The following NAA60 variants were observed in gnomAD, a reference collection of about 807,000 sequenced individuals.
The protein encoded by NAA60 is N-alpha-acetyltransferase 60, NatF catalytic subunit, also known as N-alpha-acetyltransferase 60.
A neutral mutation model predicts 26.1 loss-of-function variants in NAA60; 8 were observed. The observed-to-expected ratio is 0.31, with a 90% CI of 0.18 to 0.55. NAA60 has a LOEUF of 0.55. Among genes scored for constraint, NAA60 ranks in the 20% least tolerant of loss-of-function variants. The pLI is 0.93. For synonymous variants in NAA60, 131 were observed against 122.5 expected, an observed-to-expected ratio of 1.07 and a Z score of -0.46; for missense variants, 290 against 311.3, an observed-to-expected ratio of 0.93 and a Z score of 0.51.
intron 2 of NAA60, chr16:3,448,776 A>G (rs2034654939): frequency 1.4e-5 from 6 of 416,958 alleles, no homozygotes; most frequent in Non-Finnish European, 2.2e-5. Flanking sequence ...CAGCCTCTTT[A>G]AACTATAAAG....
rs775289767 is a variant in NAA60 at position 3,485,949 on chromosome 16, T to A, written c.*689T>A. On this transcript the variant is annotated 3_prime_UTR_variant, in exon 8 of 8. Transcript: ENST00000407558. Reference sequence around the variant, plus strand: ...TCAGCACCTTCCGTGCAGTTACCAGTGCCCTGGGAGGTCACACTGCCCGTC... The same window carrying A: ...TCAGCACCTTCCGTGCAGTTACCAGAGCCCTGGGAGGTCACACTGCCCGTC... The A allele has an allele frequency of 9.8e-6, 3 of 306,954 alleles. No homozygotes were observed. The highest frequency in any genetic ancestry group is 1.9e-5 in the Non-Finnish European group (3 of 155,226). The allele number at this position is 306,954 out of a possible 1,614,324, so 19.0% of individuals were successfully genotyped here. A position where few individuals can be genotyped will look rare whatever the true frequency, so the allele number is the denominator to read the frequency against.
intron 2 of NAA60, 109 bp downstream of exon 2, chr16:3,448,649 A>G (rs2034650140): frequency 1.1e-6 from 1 of 897,860 alleles, no homozygotes. Context: ...TATTCTCTTA[A>G]TTTTTAGTAC....
At chr16:3,456,105 C>A (rs1187611537) in intron 2 of NAA60, among the ~76,000 whole-genome samples, 1 of 152,196 alleles carries the variant, frequency 6.6e-6, no homozygotes, top group Admixed American at 6.5e-5. Flanking sequence ...CGGGCACGGT[C>A]TCAAAACAAA....
At chr16:3,461,059 A>G (rs540642912) in intron 2 of NAA60, among the ~76,000 whole-genome samples, 3 of 145,004 alleles carry the variant, frequency 2.1e-5, no homozygotes, top group East Asian at 2.0e-4. Flanking sequence ...TGAGTTTGCC[A>G]GGCTCTATAT....
In NAA60 at chr16:3,482,582, C is replaced by T; in HGVS notation, c.321C>T (p.Phe107=). 1 of 1,606,286 alleles carries T rather than the reference C, an allele frequency of 6.2e-7. No homozygotes were observed. The highest frequency in any genetic ancestry group is 8.5e-7 in the Non-Finnish European group (1 of 1,176,488). ...YILSLGVVKE[F]RKHGIGSLLL... ...TAAGTCTGGGCGTCGTGAAAGAGTT[C>T]AGGAAGCACGGCATAGGTAAGGGCA... Residue 107 remains phenylalanine, a synonymous_variant, in exon 5 of 8, where the codon TTC becomes TTT. Transcript: ENST00000407558.
intron 4 of NAA60, among the ~76,000 whole-genome samples, chr16:3,481,343 C>A (rs145121748): frequency 1.3e-5 from 2 of 152,090 alleles, no homozygotes; most frequent in African/African-American, 2.4e-5. Flanking sequence ...GCCTGCCTCG[C>A]GGGAGTGCTA....
chr16:3,449,519 GA>G (rs1325847050), intron 2 of NAA60, among the ~76,000 whole-genome samples: 1 of 150,070 alleles, frequency 6.7e-6, no homozygotes, highest in East Asian at 1.9e-4. Context: ...CTCTGTCTCA[GA>G]AAAAAAAAGA....
intron 2 of NAA60, among the ~76,000 whole-genome samples, chr16:3,475,901 C>G (rs74940024): frequency 0.071 from 10,853 of 152,320 alleles, 443 homozygotes; most frequent in Admixed American, 0.087. Context: ...GGAAGGACCA[C>G]TGTCATAAGA....
chr16:3,457,896 G>A, intron 2 of NAA60: 2 of 838,572 alleles, frequency 2.4e-6, no homozygotes, highest in Non-Finnish European at 2.9e-6. Flanking sequence ...GCCTGGCTTC[G>A]CACGGAGCCT....
chr16:3,485,364 C>T (rs1339498645), intron 7 of NAA60, 103 bp from the exon 8 acceptor site: 2 of 475,186 alleles, frequency 4.2e-6, no homozygotes, highest in East Asian at 6.4e-5. Context: ...GCTCATGCTC[C>T]TGGAGCACCC....
intron 1 of NAA60, among the ~76,000 whole-genome samples, chr16:3,444,045 C>G (rs550259797): frequency 3.3e-5 from 5 of 152,240 alleles, no homozygotes; most frequent in Admixed American, 2.0e-4. Flanking sequence ...GACTCTGACT[C>G]AAAGTGTTAT....
In NAA60 at chr16:3,448,454, G is replaced by C; in HGVS notation, c.-76-17G>C. 1 of 1,535,032 alleles carries C rather than the reference G, an allele frequency of 6.5e-7. No individual in the cohort carries two copies. Among genetic ancestry groups the C allele is most frequent in the Non-Finnish European group, 8.7e-7 (1 of 1,146,444 alleles). ...GCCAGGAGTGAAGTGATGGCCTTGT[G>C]TCTTTCTCCCCTGCAGCATACAGAA... On this transcript the variant is annotated splice_polypyrimidine_tract_variant and intron_variant, in intron 1 of 7. Coordinates refer to ENST00000407558, the MANE Select transcript of NAA60 (RefSeq NM_001083601.3).
rs2034434538 is a variant in NAA60 at position 3,443,716 on chromosome 16, G to C, written c.-198G>C. Reference sequence around the variant, plus strand: ...GGCGGGGTCTCCTCCGTGAGCTCCGGGCCTGTTTGCCTGCTGAAGTAGAGT... The same window carrying C: ...GGCGGGGTCTCCTCCGTGAGCTCCGCGCCTGTTTGCCTGCTGAAGTAGAGT... On this transcript the variant is annotated 5_prime_UTR_variant, in exon 1 of 8. Transcript: ENST00000407558. 23 of 1,469,958 alleles carry C rather than the reference G, an allele frequency of 1.6e-5. No homozygotes were observed. The highest frequency in any genetic ancestry group is 2.1e-5 in the Non-Finnish European group (23 of 1,113,104). 91.1% of individuals were successfully genotyped at this position (1,469,958 alleles called of 1,614,324 possible). A position where few individuals can be genotyped will look rare whatever the true frequency, so the allele number is the denominator to read the frequency against.
At chr16:3,481,099 G>A in intron 4 of NAA60, among the ~76,000 whole-genome samples, 1 of 152,010 alleles carries the variant, frequency 6.6e-6, no homozygotes, top group African/African-American at 2.4e-5. Flanking sequence ...GTAGCAGAAA[G>A]CAAGTGTCAA....
At chr16:3,468,640 G>A (rs557779844) in intron 2 of NAA60, among the ~76,000 whole-genome samples, 226 of 152,326 alleles carry the variant, frequency 1.5e-3, no homozygotes, top group African/African-American at 4.5e-3. Flanking sequence ...CTTTTGTTTG[G>A]GTCAAGCAGG....
chr16:3,457,802 G>A (rs17554547), intron 2 of NAA60, among the ~76,000 whole-genome samples: 20,122 of 152,220 alleles, frequency 0.13, 1,687 homozygotes, highest in Non-Finnish European at 0.19. Flanking sequence ...CCAGAGGTCT[G>A]GCCGGCCATG....
intron 1 of NAA60, among the ~76,000 whole-genome samples, chr16:3,444,777 A>G (rs998441329): frequency 3.3e-5 from 5 of 152,172 alleles, no homozygotes; most frequent in East Asian, 1.9e-4. Context: ...AACGTTGACA[A>G]TAGAATCCAG....
At chr16:3,463,720 T>A (rs879317652) in intron 2 of NAA60, among the ~76,000 whole-genome samples, 6 of 150,434 alleles carry the variant, frequency 4.0e-5, no homozygotes, top group African/African-American at 7.4e-5. Flanking sequence ...AAAAAAAAAA[T>A]TCAACCTAGA....
At chr16:3,481,568 GGACCC>G (rs2036838450) in intron 4 of NAA60, among the ~76,000 whole-genome samples, 1 of 152,176 alleles carries the variant, frequency 6.6e-6, no homozygotes, top group Non-Finnish European at 1.5e-5. Context: ...GCCGACATGG[GGACCC>G]TTTGGCTCAT....
Sources: gnomAD v4.1 joint callset for allele counts (sites outside exome capture counted in the v4.1 genomes callset) on GRCh38, gnomAD v4.1.1 for gene constraint, MANE v1.5 for transcripts, NCBI Gene and HGNC (gene_info 2026-07-23, HGNC 2026-07-21) for gene names.